Variants in SLC25A21 observed in about 807,000 individuals in gnomAD.
SLC25A21 encodes the protein mitochondrial 2-oxodicarboxylate carrier.
In SLC25A21, 47 loss-of-function variants were observed where a neutral mutation model predicts 43.8. That is an observed-to-expected ratio of 1.07 (90% CI 0.85 to 1.37). The LOEUF (loss-of-function observed/expected upper bound fraction) is 1.37. Ranked by LOEUF, SLC25A21 falls within the 40% of genes most tolerant of loss-of-function variation. The probability of loss-of-function intolerance (pLI) is 0.00; values close to 1 mark genes in which losing one functional copy is unlikely to be tolerated. For missense variants in SLC25A21, 352 were observed against 350.2 expected, an observed-to-expected ratio of 1.00 and a Z score of -0.04; for synonymous variants, 131 against 121.3, an observed-to-expected ratio of 1.08 and a Z score of -0.52.
At chr14:36,707,305 T>C (rs1437273196) in intron 7 of SLC25A21, among the ~76,000 whole-genome samples, 1 of 152,224 alleles carries the variant, frequency 6.6e-6, no homozygotes, top group Non-Finnish European at 1.5e-5. Flanking sequence ...TTACTTGTTT[T>C]TGTCTGTTAC....
intron 1 of SLC25A21, among the ~76,000 whole-genome samples, chr14:36,885,646 G>A (rs1207302972): frequency 6.6e-6 from 1 of 152,118 alleles, no homozygotes; most frequent in Non-Finnish European, 1.5e-5. Context: ...GTTTTAAAGA[G>A]GAAGTAAGTG....
At chr14:36,835,373 C>T (rs17105458) in intron 2 of SLC25A21, among the ~76,000 whole-genome samples, 1,743 of 152,260 alleles carry the variant, frequency 0.011, 22 homozygotes, top group African/African-American at 0.039. Flanking sequence ...GCAAGTGACC[C>T]TGAACCAATA....
chr14:36,814,570 C>A (rs376468827), intron 2 of SLC25A21, among the ~76,000 whole-genome samples: 2 of 152,128 alleles, frequency 1.3e-5, no homozygotes, highest in East Asian at 1.9e-4. Context: ...ATGAAAAAAT[C>A]CTCATCATCA....
intron 1 of SLC25A21, among the ~76,000 whole-genome samples, chr14:36,994,302 C>T (rs72667352): frequency 0.11 from 16,071 of 152,016 alleles, 1,046 homozygotes; most frequent in African/African-American, 0.18. Context: ...TTATTCCCTT[C>T]GGGAAGGAGG....
chr14:37,091,502 CA>C (rs1253541856), intron 1 of SLC25A21, among the ~76,000 whole-genome samples: 5 of 150,328 alleles, frequency 3.3e-5, no homozygotes, highest in Non-Finnish European at 5.9e-5. Flanking sequence ...ACAGTAAAAT[CA>C]TGAACAAAAA....
Position 36,678,610 on chromosome 14 carries a change from G to T in SLC25A21, c.*2048C>A, listed in dbSNP as rs1882024231. 1.5e-6 allele frequency: 2 copies of T among 1,361,880 alleles called. No individual in the cohort carries two copies. Among genetic ancestry groups the T allele is most frequent in the South Asian group, 2.1e-5 (1 of 47,704 alleles). 84.4% of individuals were successfully genotyped at this position (1,361,880 alleles called of 1,614,324 possible). On this transcript the variant is annotated 3_prime_UTR_variant, in exon 10 of 10. Coordinates refer to ENST00000331299, the MANE Select transcript of SLC25A21 (RefSeq NM_030631.4). ...ATCTGAAAAACTGATGTAAGGTACA[G>T]AACTATTCTTTATCAAATGTTTTTA...
At position 36,679,686 on chromosome 14, in the gene SLC25A21, A is replaced by T. The variant is rs1882111427; in HGVS notation, c.*972T>A. 2 of 985,282 alleles carry T rather than the reference A, an allele frequency of 2.0e-6. No individual in the cohort carries two copies. Among genetic ancestry groups the T allele is most frequent in the South Asian group, 9.4e-5 (2 of 21,292 alleles). The allele number at this position is 985,282 out of a possible 1,614,324, so 61.0% of individuals were successfully genotyped here. On this transcript the variant is annotated 3_prime_UTR_variant, in exon 10 of 10. Coordinates refer to ENST00000331299, the MANE Select transcript of SLC25A21 (RefSeq NM_030631.4). ...CTTCCCACCTGAAGTTGTCGTTTAAAACTAATAACCTGAAAATGCAGTTCT... is the reference window on the plus strand; with the variant it reads ...CTTCCCACCTGAAGTTGTCGTTTAATACTAATAACCTGAAAATGCAGTTCT...
chr14:36,981,165 G>C (rs926435611), intron 1 of SLC25A21, among the ~76,000 whole-genome samples: 2 of 152,076 alleles, frequency 1.3e-5, no homozygotes, highest in Non-Finnish European at 2.9e-5. Flanking sequence ...TTAGAATGGT[G>C]ATCATTAAAA....
At chr14:36,701,415 G>A (rs1263598031) in intron 7 of SLC25A21, among the ~76,000 whole-genome samples, 1 of 152,138 alleles carries the variant, frequency 6.6e-6, no homozygotes. Context: ...GCAGGGCTCT[G>A]GGCTTTGGAA....
chr14:36,683,655 C>A (rs1162439501), intron 9 of SLC25A21, among the ~76,000 whole-genome samples, 173 bp downstream of exon 9: 7 of 152,166 alleles, frequency 4.6e-5, no homozygotes, highest in Non-Finnish European at 1.0e-4. Flanking sequence ...AAAGGTAGAA[C>A]ATTTCTAATG....
chr14:36,680,051 C>CTGA lies in SLC25A21; in HGVS notation c.*604_*606dup. 1 of 857,870 alleles carries CTGA rather than the reference C, an allele frequency of 1.2e-6. No individual in the cohort carries two copies. Among genetic ancestry groups the CTGA allele is most frequent in the Non-Finnish European group, 1.4e-6 (1 of 715,886 alleles). 53.1% of individuals were successfully genotyped at this position (857,870 alleles called of 1,614,324 possible). Reference sequence around the variant, plus strand: ...ATAAAGTAGATGTAGGAAAATAGAGCTGATATGTGCATAGTTACTAAAAAA... The same window carrying CTGA: ...ATAAAGTAGATGTAGGAAAATAGAGCTGATGATATGTGCATAGTTACTAAAAAA... On this transcript the variant is annotated 3_prime_UTR_variant, in exon 10 of 10. Coordinates refer to ENST00000331299, the MANE Select transcript of SLC25A21 (RefSeq NM_030631.4).
intron 1 of SLC25A21, among the ~76,000 whole-genome samples, chr14:37,162,040 G>A (rs1057487524): frequency 4.0e-5 from 6 of 151,292 alleles, no homozygotes; most frequent in Middle Eastern, 3.2e-3. Flanking sequence ...CAAGTAATGA[G>A]GGAGGCAGAG....
rs544816042 is a variant in SLC25A21 at position 36,976,895 on chromosome 14, A to C, written c.71-101891T>G. ...TTGTCCTGCCACTTGGCTGGACACA[A>C]GTCCTTGGACCCCATTTCCCACCAG... On this transcript the variant is annotated intron_variant, in intron 1 of 9. Transcript: ENST00000331299. Among the ~76,000 whole-genome samples the C allele has an allele frequency of 6.6e-5, 10 of 152,334 alleles. No homozygotes were observed. In the East Asian group the frequency reaches 1.9e-3, roughly 29 times the overall value.
chr14:36,906,506 T>C (rs1366187136), intron 1 of SLC25A21, among the ~76,000 whole-genome samples: 1 of 150,588 alleles, frequency 6.6e-6, no homozygotes, highest in Non-Finnish European at 1.5e-5. Context: ...TTAATTTCTT[T>C]CCTTCCTTTT....
chr14:37,143,675 TTCA>T (rs1963609841), intron 1 of SLC25A21, among the ~76,000 whole-genome samples: 1 of 151,926 alleles, frequency 6.6e-6, no homozygotes, highest in Non-Finnish European at 1.5e-5. Context: ...TTTGACTGAT[TTCA>T]TCATCATTGT....
intron 1 of SLC25A21, among the ~76,000 whole-genome samples, chr14:36,891,076 A>C (rs1174362413): frequency 1.3e-5 from 2 of 152,186 alleles, no homozygotes; most frequent in Non-Finnish European, 2.9e-5. Flanking sequence ...TTCCAAGACA[A>C]GGTTAGATAC....
intron 1 of SLC25A21, among the ~76,000 whole-genome samples, chr14:37,161,732 G>T (rs1013141846): frequency 6.6e-6 from 1 of 151,752 alleles, no homozygotes; most frequent in Non-Finnish European, 1.5e-5. Flanking sequence ...AGGCCGAGGC[G>T]GGCGAATCAC....
chr14:36,957,490 G>C (rs1959371412), intron 1 of SLC25A21, among the ~76,000 whole-genome samples: 1 of 152,218 alleles, frequency 6.6e-6, no homozygotes, highest in Non-Finnish European at 1.5e-5. Flanking sequence ...TGGGTTGGGA[G>C]TAGGACGGGG....
rs186810488 is a variant in SLC25A21, at chr14:36,877,812, T to C, written c.71-2808A>G. ...GTTGAAGGCAGGGTATGGCAAGAGA[T>C]GAGGCTGGAAGTGTGCAGGTGAGGC... On this transcript the variant is annotated intron_variant, in intron 1 of 9. Transcript: ENST00000331299. 7.9e-5 allele frequency among the ~76,000 whole-genome samples: 12 copies of C among 152,240 alleles called. No homozygotes were observed. The East Asian group carries it at 2.3e-3, about 29-fold the overall frequency.
Sources: gnomAD v4.1 joint callset for allele counts (sites outside exome capture counted in the v4.1 genomes callset) on GRCh38, gnomAD v4.1.1 for gene constraint, MANE v1.5 for transcripts, NCBI Gene and HGNC (gene_info 2026-07-23, HGNC 2026-07-21) for gene names.